SPIDR: variants seen among roughly 807,000 people sequenced by gnomAD.
The protein encoded by SPIDR is scaffold protein involved in DNA repair, also known as DNA repair-scaffolding protein.
SPIDR carries 93 observed loss-of-function variants against 104.6 expected under a neutral mutation model. The observed-to-expected ratio is 0.89, with a 90% CI of 0.75 to 1.06. SPIDR has a LOEUF of 1.06. Ranked by LOEUF, SPIDR falls within the 50% of genes least tolerant of loss-of-function variation. SPIDR has a pLI of 0.00. For synonymous variants in SPIDR, 431 were observed against 416.9 expected, an observed-to-expected ratio of 1.03 and a Z score of -0.41; for missense variants, 1,154 against 1,111.2, an observed-to-expected ratio of 1.04 and a Z score of -0.55.
At chr8:47,641,063 T>C (rs1015331256) in intron 10 of SPIDR, among the ~76,000 whole-genome samples, 2 of 151,680 alleles carry the variant, frequency 1.3e-5, no homozygotes, top group South Asian at 4.2e-4. Context: ...AAAAAGGGTA[T>C]GCATATTTGA....
intron 5 of SPIDR, among the ~76,000 whole-genome samples, chr8:47,313,259 G>A (rs1409201368): frequency 4.6e-5 from 7 of 152,022 alleles, no homozygotes; most frequent in African/African-American, 1.7e-4. Flanking sequence ...CATTCTTCTA[G>A]ACCAATAACA....
chr8:47,299,615 G>A (rs1586572889), intron 5 of SPIDR, among the ~76,000 whole-genome samples: 1 of 152,252 alleles, frequency 6.6e-6, no homozygotes, highest in Non-Finnish European at 1.5e-5. Flanking sequence ...ATTATTTTGA[G>A]ATACGTCCCA....
chr8:47,592,017 AG>A, intron 8 of SPIDR: 2 of 710,576 alleles, frequency 2.8e-6, no homozygotes, highest in Non-Finnish European at 2.4e-6. Context: ...TAATCACCAA[AG>A]GACTGAAGAT....
At chr8:47,585,916 C>T (rs2060206156) in intron 8 of SPIDR, among the ~76,000 whole-genome samples, 2 of 152,168 alleles carry the variant, frequency 1.3e-5, no homozygotes, top group Admixed American at 1.3e-4. Context: ...AATACTGCCA[C>T]ATTGGGGATT....
intron 8 of SPIDR, among the ~76,000 whole-genome samples, chr8:47,510,167 A>G (rs574518148): frequency 6.6e-6 from 1 of 152,348 alleles, no homozygotes; most frequent in Admixed American, 6.5e-5. Context: ...GAAGTTGCCC[A>G]AAACCCAACT....
At chr8:47,511,741 T>C in intron 8 of SPIDR, 2 of 1,289,402 alleles carry the variant, frequency 1.6e-6, no homozygotes, top group Non-Finnish European at 2.3e-6. Flanking sequence ...GGTCACTCGC[T>C]CCACAGCTAC....
chr8:47,493,038 A>AGTGTGTGT (rs1363442147), intron 8 of SPIDR, among the ~76,000 whole-genome samples: 1,301 of 64,740 alleles, frequency 0.02, 8 homozygotes, highest in Non-Finnish European at 0.028. Flanking sequence ...AGAGAGAGAG[A>AGTGTGTGT]GTGAGTGTGT....
chr8:47,458,985 T>C (rs1554711628), intron 8 of SPIDR, among the ~76,000 whole-genome samples: 1 of 152,184 alleles, frequency 6.6e-6, no homozygotes, highest in East Asian at 1.9e-4. Context: ...GCATCCCTGG[T>C]ATGAAACACA....
intron 5 of SPIDR, among the ~76,000 whole-genome samples, chr8:47,342,691 C>A (rs1438930196): frequency 6.6e-6 from 1 of 152,034 alleles, no homozygotes; most frequent in Non-Finnish European, 1.5e-5. Context: ...ACATTGTACA[C>A]TCCTTTCTTA....
chr8:47,350,323 CAT>C (rs1192453174), intron 5 of SPIDR, among the ~76,000 whole-genome samples: 5 of 152,204 alleles, frequency 3.3e-5, no homozygotes, highest in African/African-American at 1.2e-4. Context: ...ATTTATGTGT[CAT>C]AAATAAAAGA....
At chr8:47,512,042 G>T in intron 8 of SPIDR, 1 of 699,628 alleles carries the variant, frequency 1.4e-6, no homozygotes, top group Admixed American at 2.0e-5. Flanking sequence ...AGCGCAATCT[G>T]CAAGTCCCAG....
chr8:47,596,239 T>A (rs1462209333), intron 9 of SPIDR, among the ~76,000 whole-genome samples: 2 of 152,224 alleles, frequency 1.3e-5, no homozygotes, highest in Non-Finnish European at 2.9e-5. Flanking sequence ...GTCTTTAATC[T>A]TTATTCTAAT....
chr8:47,440,122 A>G (rs1554695345), intron 7 of SPIDR, among the ~76,000 whole-genome samples: 2 of 152,228 alleles, frequency 1.3e-5, no homozygotes. Flanking sequence ...TAAATGCAAC[A>G]TGCAGGCCTA....
chr8:47,497,245 C>T (rs1034662902), intron 8 of SPIDR, among the ~76,000 whole-genome samples: 3 of 151,834 alleles, frequency 2.0e-5, no homozygotes, highest in Admixed American at 6.6e-5. Context: ...TCTTCCTGTG[C>T]GTGCTTTGGG....
chr8:47,604,954 G>A (rs2154428284), intron 10 of SPIDR, among the ~76,000 whole-genome samples: 1 of 152,328 alleles, frequency 6.6e-6, no homozygotes, highest in South Asian at 2.1e-4. Context: ...TTTGTTTGCG[G>A]GTGTCAGCAG....
chr8:47,362,045 G>A (rs2056098199), intron 5 of SPIDR, among the ~76,000 whole-genome samples: 1 of 152,208 alleles, frequency 6.6e-6, no homozygotes, highest in Non-Finnish European at 1.5e-5. Flanking sequence ...CAGCGTACTG[G>A]TGGCCAGAAG....
At chr8:47,572,053 T>C (rs1338819547) in intron 8 of SPIDR, among the ~76,000 whole-genome samples, 1 of 152,196 alleles carries the variant, frequency 6.6e-6, no homozygotes, top group Non-Finnish European at 1.5e-5. Context: ...AAGTAATCTC[T>C]TGTATGTAGT....
chr8:47,641,467 C>G (rs1039049451), intron 10 of SPIDR, among the ~76,000 whole-genome samples: 3 of 152,136 alleles, frequency 2.0e-5, no homozygotes, highest in Non-Finnish European at 4.4e-5. Flanking sequence ...AGATTCAATT[C>G]GATGCATTTA....
At chr8:47,534,606 C>T (rs558145937) in intron 8 of SPIDR, among the ~76,000 whole-genome samples, 8 of 152,122 alleles carry the variant, frequency 5.3e-5, no homozygotes, top group South Asian at 2.1e-4. Flanking sequence ...AAGAAGGAGA[C>T]AGCAGACACT....
Sources: allele counts gnomAD v4.1 joint callset (sites outside exome capture counted in the v4.1 genomes callset), GRCh38; gene constraint gnomAD v4.1.1; transcripts MANE v1.5; gene names NCBI Gene and HGNC (gene_info 2026-07-23, HGNC 2026-07-21).